RGPD3: variants seen among roughly 807,000 people sequenced by gnomAD.
The protein encoded by RGPD3 is ranBP2-like and GRIP domain-containing protein 3.
A neutral mutation model predicts 154.5 loss-of-function variants in RGPD3; 62 were observed. That is an observed-to-expected ratio of 0.40 (90% CI 0.33 to 0.50). The LOEUF is 0.50. Among genes scored for constraint, RGPD3 ranks in the 20% least tolerant of loss-of-function variants. The pLI is 0.59. For synonymous variants in RGPD3, 308 were observed against 607.0 expected, an observed-to-expected ratio of 0.51 and a Z score of 7.24; for missense variants, 919 against 1,716.8, an observed-to-expected ratio of 0.54 and a Z score of 8.21.
Position 106,467,539 on chromosome 2 carries a change from C to T in RGPD3, c.72+678G>A, listed in dbSNP as rs62152543. On this transcript the variant is annotated intron_variant, in intron 1 of 22. Coordinates refer to ENST00000409886, the MANE Select transcript of RGPD3 (RefSeq NM_001144013.2). ...GGCCGCCGCTGGGCCGGGTTGAGGC[C>T]GCCGCCTCAACAGAGCGTGCCAGGG... Among the ~76,000 whole-genome samples the T allele has an allele frequency of 5.6e-3, 154 of 27,520 alleles. 40 individuals carry two copies. The East Asian group carries it at 0.12, about 22-fold the overall frequency. 18.1% of individuals were successfully genotyped at this position (27,520 alleles called of 152,430 possible). A position where few individuals can be genotyped will look rare whatever the true frequency, so the allele number is the denominator to read the frequency against.
At chr2:106,445,340 T>C (rs1407822455) in intron 7 of RGPD3, among the ~76,000 whole-genome samples, 2 of 151,366 alleles carry the variant, frequency 1.3e-5, no homozygotes, top group African/African-American at 2.4e-5. Context: ...TACTTGAGAA[T>C]TTCTATAAGA....
chr2:106,422,253 TCTGA>T (rs1329010739), intron 20 of RGPD3, among the ~76,000 whole-genome samples: 6 of 148,622 alleles, frequency 4.0e-5, no homozygotes, highest in African/African-American at 1.0e-4. Context: ...ATACCACCAA[TCTGA>T]CTGTCTTACA....
chr2:106,421,348 C>A (rs889848228), intron 20 of RGPD3, among the ~76,000 whole-genome samples: 6 of 152,062 alleles, frequency 3.9e-5, no homozygotes, highest in Non-Finnish European at 8.8e-5. Flanking sequence ...CGCAAGTATA[C>A]ATCCACTTTT....
At chr2:106,467,714 G>A (rs1263961141) in intron 1 of RGPD3, among the ~76,000 whole-genome samples, 3 of 142,838 alleles carry the variant, frequency 2.1e-5, no homozygotes, top group Admixed American at 6.9e-5. Flanking sequence ...GGGCCAGGTC[G>A]AGGCCGCCGC....
chr2:106,441,946 C>T (rs1573278793), intron 7 of RGPD3, among the ~76,000 whole-genome samples: 1 of 136,662 alleles, frequency 7.3e-6, no homozygotes, highest in Non-Finnish European at 1.5e-5. Context: ...TTTGGGAGGC[C>T]AAGGTGGGGG....
chr2:106,461,445 G>C (rs1207229432), intron 1 of RGPD3, among the ~76,000 whole-genome samples: 3 of 152,212 alleles, frequency 2.0e-5, no homozygotes, highest in African/African-American at 7.2e-5. Flanking sequence ...GTTGGACAAA[G>C]GGATGACTTG....
intron 6 of RGPD3, among the ~76,000 whole-genome samples, chr2:106,450,532 C>T (rs1260105569): frequency 1.4e-5 from 2 of 144,052 alleles, no homozygotes; most frequent in African/African-American, 2.6e-5. Context: ...GAGCCTCCCC[C>T]TCTGAGGGCC....
chr2:106,457,226 T>C, intron 3 of RGPD3, 103 bp from the exon 4 acceptor site: 1 of 1,486,930 alleles, frequency 6.7e-7, no homozygotes, highest in Non-Finnish European at 8.9e-7. Context: ...AAATTATCAC[T>C]CCAACCCTTA....
chr2:106,441,863 CAAAAAA>C (rs1166971652), intron 7 of RGPD3, among the ~76,000 whole-genome samples: 65 of 13,604 alleles, frequency 4.8e-3, no homozygotes, highest in African/African-American at 9.1e-3. Flanking sequence ...GACTCCATCG[CAAAAAA>C]AAAAAAAAAA....
At chr2:106,428,620 T>G (rs1238292491) in intron 18 of RGPD3, among the ~76,000 whole-genome samples, 8 of 151,872 alleles carry the variant, frequency 5.3e-5, no homozygotes, top group Admixed American at 1.3e-4. Flanking sequence ...CTTAACTATA[T>G]GAACCATCAC....
chr2:106,465,770 G>A (rs985185083), intron 1 of RGPD3, among the ~76,000 whole-genome samples: 5 of 151,840 alleles, frequency 3.3e-5, no homozygotes, highest in African/African-American at 1.2e-4. Context: ...AGTGTTCCGG[G>A]CAGGGAGGGG....
chr2:106,438,350 G>T (rs1006336485), intron 9 of RGPD3, among the ~76,000 whole-genome samples: 3 of 150,072 alleles, frequency 2.0e-5, no homozygotes, highest in African/African-American at 4.9e-5. Context: ...TATCTGGGCC[G>T]AGTGGCATGT....
chr2:106,413,644 C>T (rs559678730), intron 21 of RGPD3, among the ~76,000 whole-genome samples: 2 of 142,216 alleles, frequency 1.4e-5, no homozygotes, highest in East Asian at 4.4e-4. Flanking sequence ...AGAAAGGCAA[C>T]AAGCTAATAC....
At chr2:106,409,290 CAGACTGA>C (rs1473250757) in intron 22 of RGPD3, among the ~76,000 whole-genome samples, 1 of 152,104 alleles carries the variant, frequency 6.6e-6, no homozygotes. Flanking sequence ...TGTGACCAGT[CAGACTGA>C]CAGTCCATAT....
chr2:106,450,170 GA>G (rs1390329555), intron 6 of RGPD3, among the ~76,000 whole-genome samples: 2 of 133,096 alleles, frequency 1.5e-5, no homozygotes, highest in Middle Eastern at 3.8e-3. Flanking sequence ...ACGAGGTCAG[GA>G]GATCGAGACC....
chr2:106,405,385 T>C (rs1203491708), intron 22 of RGPD3, among the ~76,000 whole-genome samples, 156 bp from the exon 23 acceptor site: 1 of 146,662 alleles, frequency 6.8e-6, no homozygotes, highest in African/African-American at 2.5e-5. Flanking sequence ...CTTTTTTTTT[T>C]TTTTTTTTGA....
rs1298398518 is a variant in RGPD3, at chr2:106,403,572, G to A, written c.*1647C>T. On this transcript the variant is annotated 3_prime_UTR_variant, in exon 23 of 23. Transcript: ENST00000409886. ...CTATATTTCAAAACAAGTTTATACA[G>A]ACTTCAAAAGGTCTCAAGTCAAAGA... is the stretch of plus-strand genomic sequence containing the variant. 6.6e-6 allele frequency among the ~76,000 whole-genome samples: 1 copy of A among 152,240 alleles called. No homozygotes were observed. Among genetic ancestry groups the A allele is most frequent in the African/African-American group, 2.4e-5 (1 of 41,476 alleles).
chr2:106,442,266 G>T (rs1426353363), intron 7 of RGPD3, among the ~76,000 whole-genome samples: 2 of 102,676 alleles, frequency 1.9e-5, no homozygotes, highest in Non-Finnish European at 3.9e-5. Context: ...GTTACATTCA[G>T]AGAAATGGAA....
At chr2:106,421,447 TA>T (rs1391602800) in intron 20 of RGPD3, among the ~76,000 whole-genome samples, 35 of 151,172 alleles carry the variant, frequency 2.3e-4, no homozygotes, top group African/African-American at 5.8e-4. Flanking sequence ...CTGGTATAAT[TA>T]AAAAAAAATC....
Sources: allele counts gnomAD v4.1 joint callset (sites outside exome capture counted in the v4.1 genomes callset), GRCh38; gene constraint gnomAD v4.1.1; transcripts MANE v1.5; gene names NCBI Gene and HGNC (gene_info 2026-07-23, HGNC 2026-07-21).